TENM2: variants seen among roughly 807,000 people sequenced by gnomAD.
TENM2 encodes teneurin-2.
Under a neutral mutation model 245.2 loss-of-function variants are expected in TENM2, and 52 were observed. The ratio of observed to expected loss-of-function variants is 0.21; its 90% confidence interval spans 0.17 to 0.27. TENM2 has a LOEUF of 0.27. Among genes scored for constraint, TENM2 ranks in the 10% least tolerant of loss-of-function variants. The probability of loss-of-function intolerance (pLI) is 1.00; values close to 1 mark genes in which losing one functional copy is unlikely to be tolerated. For missense variants in TENM2, 3,046 were observed against 3,666.8 expected (o/e 0.83, Z 4.37); for synonymous variants, 1,363 against 1,438.9 (o/e 0.95, Z 1.19).
At chr5:167,006,751 C>G in the TENM2 span, among the ~76,000 whole-genome samples, 1 of 152,012 alleles carries the variant, frequency 6.6e-6, no homozygotes, top group African/African-American at 2.4e-5. Flanking sequence ...ACTGCAACCT[C>G]TGCCTCCTGG....
Position 167,438,886 on chromosome 5 carries a change from G to A in TENM2, c.502+63413G>A, listed in dbSNP as rs184811709. ...TCAGCTCACTGCAACCTCCGCCTCC[G>A]GAGTTCAAGCACTTCTCCTGCCTCA... On this transcript the variant is annotated intron_variant, in intron 2 of 28. Transcript: ENST00000518659. Among the ~76,000 whole-genome samples the A allele has an allele frequency of 3.3e-3, 495 of 150,922 alleles. 1 individual carries two copies. Among genetic ancestry groups the A allele is most frequent in the African/African-American group, 0.011 (433 of 41,140 alleles).
chr5:167,524,241 A>G (rs932795007), intron 2 of TENM2, among the ~76,000 whole-genome samples: 8 of 152,128 alleles, frequency 5.3e-5, no homozygotes, highest in Non-Finnish European at 8.8e-5. Flanking sequence ...TCTGCCATCA[A>G]TAGCCATGAG....
the TENM2 span, among the ~76,000 whole-genome samples, chr5:167,235,608 T>A: frequency 1.3e-5 from 2 of 152,194 alleles, no homozygotes; most frequent in Non-Finnish European, 2.9e-5. Flanking sequence ...ATCTGTCTGT[T>A]CTACTTTTCT....
the TENM2 span, among the ~76,000 whole-genome samples, chr5:167,215,966 G>A: frequency 1.3e-5 from 2 of 152,094 alleles, no homozygotes; most frequent in South Asian, 2.1e-4. Flanking sequence ...GATTTTCAAT[G>A]TATCCATAGA....
chr5:167,375,619 G>A (rs1185627155), intron 2 of TENM2, 146 bp downstream of exon 4: 3 of 810,094 alleles, frequency 3.7e-6, no homozygotes, highest in African/African-American at 1.8e-5. Context: ...GAGCTGGGGG[G>A]AAGTAAACCA....
chr5:167,825,648 C>T (rs1767909550), intron 2 of TENM2, among the ~76,000 whole-genome samples: 2 of 152,158 alleles, frequency 1.3e-5, no homozygotes, highest in African/African-American at 4.8e-5. Context: ...ATCCCACGGG[C>T]TCTGCAGTCC....
At chr5:167,800,543 C>G (rs1360556307) in intron 2 of TENM2, among the ~76,000 whole-genome samples, 3 of 152,280 alleles carry the variant, frequency 2.0e-5, no homozygotes, top group Non-Finnish European at 2.9e-5. Context: ...AAAATATTTT[C>G]AGCAGTTAAC....
At chr5:168,082,542 G>A (rs367901846) in intron 7 of TENM2, among the ~76,000 whole-genome samples, 3 of 152,192 alleles carry the variant, frequency 2.0e-5, no homozygotes, top group Non-Finnish European at 4.4e-5. Context: ...CAGCTTTTCT[G>A]TTCTGGTTTC....
At chr5:167,010,201 G>C in the TENM2 span, among the ~76,000 whole-genome samples, 1 of 152,114 alleles carries the variant, frequency 6.6e-6, no homozygotes, top group Non-Finnish European at 1.5e-5. Flanking sequence ...GACCAACATG[G>C]AGAAACACCA....
intron 2 of TENM2, among the ~76,000 whole-genome samples, chr5:167,394,158 T>A (rs568382843): frequency 6.6e-6 from 1 of 152,322 alleles, no homozygotes; most frequent in East Asian, 1.9e-4. Flanking sequence ...TTTGCTTTTA[T>A]TGCTTGTGCC....
At chr5:167,051,622 CT>C in the TENM2 span, among the ~76,000 whole-genome samples, 1 of 152,158 alleles carries the variant, frequency 6.6e-6, no homozygotes, top group South Asian at 2.1e-4. Flanking sequence ...GCGAGAGAAA[CT>C]TTCGCTTGCT....
chr5:167,630,382 G>T (rs1778789011), intron 2 of TENM2, among the ~76,000 whole-genome samples: 2 of 152,088 alleles, frequency 1.3e-5, no homozygotes, highest in Admixed American at 1.3e-4. Context: ...CTGGATGAAG[G>T]GATGACCCAC....
chr5:168,200,265 A>C, intron 17 of TENM2, 134 bp downstream of exon 19: 1 of 777,072 alleles, frequency 1.3e-6, no homozygotes, highest in South Asian at 1.9e-5. Context: ...GAAGACAGAC[A>C]AGATTCCTCT....
chr5:167,520,028 T>A (rs550458378), intron 2 of TENM2, among the ~76,000 whole-genome samples: 1 of 152,296 alleles, frequency 6.6e-6, no homozygotes, highest in Admixed American at 6.5e-5. Flanking sequence ...AATTAGAACC[T>A]TGATTCAATA....
At chr5:167,875,277 G>A (rs1193066465) in intron 2 of TENM2, among the ~76,000 whole-genome samples, 1 of 152,140 alleles carries the variant, frequency 6.6e-6, no homozygotes, top group Non-Finnish European at 1.5e-5. Context: ...GGGGTTGGGG[G>A]TGGTGTCCTG....
In TENM2 at chr5:168,218,139, G is replaced by T; in HGVS notation, c.4248G>T (p.Trp1416Cys). The change falls in exon 23 of 29, where the codon TGG becomes TGT. Residue 1416 changes from tryptophan to cysteine, a missense_variant. Trp to Cys is a radical substitution (Grantham distance 215). This residue lies in a region of TENM2 where 2,704 missense variants were observed against 3,331.9 expected (regional missense o/e 0.81). Transcript: ENST00000518659. The surrounding 1 kb of genome is among the most constrained non-coding windows in gnomAD (Gnocchi z 5.2). ...GTCATCCACAGGTTCGTCTGGAGTGGCCAACAGACCTTGCTGTCAATCCCA... is the reference window on the plus strand; with the variant it reads ...GTCATCCACAGGTTCGTCTGGAGTGTCCAACAGACCTTGCTGTCAATCCCA... The T allele has an allele frequency of 6.2e-7, 1 of 1,612,456 alleles. No homozygotes were observed. Among genetic ancestry groups the T allele is most frequent in the Non-Finnish European group, 8.5e-7 (1 of 1,178,818 alleles).
At chr5:167,561,679 G>A (rs372717376) in intron 2 of TENM2, among the ~76,000 whole-genome samples, 74 of 152,296 alleles carry the variant, frequency 4.9e-4, no homozygotes, top group African/African-American at 1.5e-3. Context: ...GGAGGCGAGT[G>A]TTAGGCTTTA....
chr5:167,284,665 C>T (rs1771234180), upstream of TENM2: 1 of 606,772 alleles, frequency 1.6e-6, no homozygotes, highest in Non-Finnish European at 2.9e-6. Context: ...CTGACCAAGG[C>T]TGCATGTTCA....
chr5:167,007,306 C>G, the TENM2 span, among the ~76,000 whole-genome samples: 1 of 152,156 alleles, frequency 6.6e-6, no homozygotes, highest in East Asian at 1.9e-4. The surrounding 1 kb of genome is among the most constrained non-coding windows in gnomAD (Gnocchi z 4.2). Flanking sequence ...AGCTAAATGA[C>G]AAGCCTGCTT....
Sources: allele counts gnomAD v4.1 joint callset (sites outside exome capture counted in the v4.1 genomes callset), GRCh38; gene constraint gnomAD v4.1.1; regional missense constraint gnomAD v4.1.1; non-coding constraint Gnocchi (gnomAD v3.1); transcripts MANE v1.5; gene names NCBI Gene and HGNC (gene_info 2026-07-23, HGNC 2026-07-21).